The following BAIAP2L1 variants were observed in gnomAD, a reference collection of about 807,000 sequenced individuals.
The protein encoded by BAIAP2L1 is BAR/IMD domain containing adaptor protein 2 like 1, also known as BAR/IMD domain-containing adapter protein 2-like 1.
A neutral mutation model predicts 66.3 loss-of-function variants in BAIAP2L1; 35 were observed. The ratio of observed to expected loss-of-function variants is 0.53; its 90% confidence interval spans 0.40 to 0.70. The LOEUF is 0.70. Among genes scored for constraint, BAIAP2L1 ranks in the 30% least tolerant of loss-of-function variants. The pLI is 0.00. For synonymous variants in BAIAP2L1, 269 were observed against 248.7 expected, an observed-to-expected ratio of 1.08 and a Z score of -0.77; for missense variants, 622 against 656.9, an observed-to-expected ratio of 0.95 and a Z score of 0.58.
chr7:98,307,644 A>G (rs1800707380), intron 10 of BAIAP2L1, 45 bp downstream of exon 10: 2 of 1,606,390 alleles, frequency 1.2e-6, no homozygotes, highest in South Asian at 2.2e-5. Flanking sequence ...TCTGGAAGGG[A>G]GGGGCCGTCT....
intron 1 of BAIAP2L1, chr7:98,386,124 A>G (rs1802885260): frequency 2.5e-6 from 4 of 1,592,046 alleles, no homozygotes; most frequent in African/African-American, 1.3e-5. Flanking sequence ...GGTGCTGAGC[A>G]TAAGAGGTCT....
intron 12 of BAIAP2L1, among the ~76,000 whole-genome samples, chr7:98,300,814 T>C (rs1584420661): frequency 6.6e-6 from 1 of 152,248 alleles, no homozygotes; most frequent in East Asian, 1.9e-4. Flanking sequence ...CCTGCCTCTC[T>C]GGCTGGTGCC....
intron 3 of BAIAP2L1, among the ~76,000 whole-genome samples, chr7:98,332,296 T>C (rs1231112575): frequency 7.3e-6 from 1 of 136,724 alleles, no homozygotes; most frequent in Non-Finnish European, 1.5e-5. Flanking sequence ...GGCAGGAGAA[T>C]TGCTTGAATT....
At chr7:98,386,053 T>C in intron 1 of BAIAP2L1, 1 of 1,469,024 alleles carries the variant, frequency 6.8e-7, no homozygotes, top group Non-Finnish European at 9.4e-7. Flanking sequence ...TTTCAAGTCA[T>C]TTGTCTGCAC....
chr7:98,299,618 A>C (rs1800337200), intron 12 of BAIAP2L1, among the ~76,000 whole-genome samples: 1 of 152,212 alleles, frequency 6.6e-6, no homozygotes, highest in South Asian at 2.1e-4. Flanking sequence ...TGGCCTTCCA[A>C]GTAGCAGGGA....
chr7:98,295,229 G>A (rs1439363458), intron 12 of BAIAP2L1, among the ~76,000 whole-genome samples: 2 of 152,198 alleles, frequency 1.3e-5, no homozygotes, highest in Non-Finnish European at 2.9e-5. Flanking sequence ...ACTGCATGTT[G>A]GGTGTACAGG....
chr7:98,322,457 T>C (rs928903405), intron 3 of BAIAP2L1, among the ~76,000 whole-genome samples: 3 of 152,166 alleles, frequency 2.0e-5, no homozygotes, highest in African/African-American at 7.2e-5. Flanking sequence ...AAGGATCAAC[T>C]TCTCGCCCAT....
chr7:98,293,836 CT>C (rs1190720494), intron 13 of BAIAP2L1, among the ~76,000 whole-genome samples: 2 of 152,244 alleles, frequency 1.3e-5, no homozygotes, highest in Non-Finnish European at 2.9e-5. Context: ...GCACCCACAC[CT>C]CTTTAGTCCT....
At chr7:98,296,746 A>G (rs1250232882) in intron 12 of BAIAP2L1, among the ~76,000 whole-genome samples, 1 of 152,048 alleles carries the variant, frequency 6.6e-6, no homozygotes, top group Non-Finnish European at 1.5e-5. Context: ...AAACCCCAGC[A>G]CTCCTTCTGG....
chr7:98,385,835 G>A (rs909989729), intron 1 of BAIAP2L1: 72 of 1,528,974 alleles, frequency 4.7e-5, no homozygotes, highest in South Asian at 3.0e-4. Flanking sequence ...CCATCAGCTC[G>A]TTCAACTTTA....
intron 7 of BAIAP2L1, among the ~76,000 whole-genome samples, chr7:98,314,587 TGTTG>T (rs1801001790): frequency 6.6e-6 from 1 of 152,098 alleles, no homozygotes; most frequent in Non-Finnish European, 1.5e-5. Context: ...CAGCTGTGTG[TGTTG>T]GAAGGAGGGT....
At chr7:98,332,853 G>A (rs921326203) in intron 3 of BAIAP2L1, among the ~76,000 whole-genome samples, 7 of 146,238 alleles carry the variant, frequency 4.8e-5, no homozygotes, top group Non-Finnish European at 9.0e-5. Flanking sequence ...TCTCTCCTCA[G>A]TTGACAACCT....
At chr7:98,353,572 TATAA>T (rs1394125296) in intron 3 of BAIAP2L1, among the ~76,000 whole-genome samples, 4 of 137,810 alleles carry the variant, frequency 2.9e-5, no homozygotes, top group Non-Finnish European at 6.1e-5. Context: ...ATATTAATAT[TATAA>T]ATACATATAT....
At chr7:98,381,598 A>G (rs1802760307) in intron 1 of BAIAP2L1, among the ~76,000 whole-genome samples, 1 of 152,196 alleles carries the variant, frequency 6.6e-6, no homozygotes, top group Non-Finnish European at 1.5e-5. Flanking sequence ...CAACCAAGCA[A>G]TTGGGACCAG....
At chr7:98,398,366 A>G (rs558818199) in intron 1 of BAIAP2L1, among the ~76,000 whole-genome samples, 1 of 152,274 alleles carries the variant, frequency 6.6e-6, no homozygotes, top group African/African-American at 2.4e-5. Flanking sequence ...CCTGAATTAA[A>G]ATTTCACTTT....
intron 12 of BAIAP2L1, among the ~76,000 whole-genome samples, chr7:98,299,609 G>A (rs993992843): frequency 1.3e-5 from 2 of 150,804 alleles, no homozygotes; most frequent in African/African-American, 4.9e-5. Flanking sequence ...CTACCACCTT[G>A]GCCTTCCAAG....
At chr7:98,356,345 A>G (rs1306983108) in intron 2 of BAIAP2L1, among the ~76,000 whole-genome samples, 1 of 152,172 alleles carries the variant, frequency 6.6e-6, no homozygotes, top group East Asian at 1.9e-4. Context: ...ATTTTACTCT[A>G]AGATTGGTTT....
At chr7:98,303,476 C>T (rs1343545877) in intron 12 of BAIAP2L1, among the ~76,000 whole-genome samples, 2 of 152,218 alleles carry the variant, frequency 1.3e-5, no homozygotes, top group Non-Finnish European at 2.9e-5. Context: ...CACGCCATCA[C>T]CTCACCTTGT....
intron 2 of BAIAP2L1, among the ~76,000 whole-genome samples, chr7:98,357,633 T>C (rs1417622996): frequency 1.3e-5 from 2 of 151,030 alleles, no homozygotes; most frequent in Admixed American, 6.6e-5. Flanking sequence ...ACCATATACA[T>C]ATCCAACTTT....
Sources: gnomAD v4.1 joint callset for allele counts (sites outside exome capture counted in the v4.1 genomes callset) on GRCh38, gnomAD v4.1.1 for gene constraint, MANE v1.5 for transcripts, NCBI Gene and HGNC (gene_info 2026-07-23, HGNC 2026-07-21) for gene names.